The following IGF2BP3 variants were observed in gnomAD, a reference collection of about 807,000 sequenced individuals.
The protein encoded by IGF2BP3 is insulin-like growth factor 2 mRNA-binding protein 3.
In IGF2BP3, 9 loss-of-function variants were observed where a neutral mutation model predicts 73.8. The ratio of observed to expected loss-of-function variants is 0.12; its 90% confidence interval spans 0.07 to 0.21. IGF2BP3 has a LOEUF of 0.21. Among genes scored for constraint, IGF2BP3 ranks in the 10% least tolerant of loss-of-function variants. The pLI is 1.00. For synonymous variants in IGF2BP3, 258 were observed against 256.7 expected (o/e 1.01, Z -0.05); for missense variants, 542 against 714.0 (o/e 0.76, Z 2.75).
chr7:23,396,836 A>G (rs1335857669), intron 3 of IGF2BP3, among the ~76,000 whole-genome samples: 1 of 152,260 alleles, frequency 6.6e-6, no homozygotes, highest in Non-Finnish European at 1.5e-5. Context: ...TTTCAGCCAA[A>G]GGACAAATGC....
intron 3 of IGF2BP3, among the ~76,000 whole-genome samples, chr7:23,380,371 G>A (rs920975527): frequency 6.6e-6 from 1 of 151,878 alleles, no homozygotes; most frequent in African/African-American, 2.4e-5. Context: ...CACTGTGCTA[G>A]CCAGGATGGT....
intron 7 of IGF2BP3, 170 bp from the exon 8 acceptor site, chr7:23,346,232 T>A: frequency 1.7e-6 from 1 of 586,774 alleles, no homozygotes; most frequent in Non-Finnish European, 2.9e-6. Flanking sequence ...AATGCATGAA[T>A]AGAAGGGGAG....
chr7:23,468,332 C>T (rs1584077592), intron 2 of IGF2BP3, 150 bp downstream of exon 2: 2 of 787,076 alleles, frequency 2.5e-6, no homozygotes, highest in East Asian at 4.9e-5. Flanking sequence ...CACACACCCC[C>T]GCCATAAACT....
At chr7:23,396,465 A>C (rs1786468310) in intron 3 of IGF2BP3, 4 of 186,242 alleles carry the variant, frequency 2.1e-5, no homozygotes, top group Admixed American at 1.5e-4. Flanking sequence ...AATCACCCAA[A>C]ATAGCTGGAA....
intron 2 of IGF2BP3, among the ~76,000 whole-genome samples, chr7:23,465,325 C>G (rs992428919): frequency 3.3e-5 from 5 of 152,248 alleles, no homozygotes; most frequent in African/African-American, 1.2e-4. Context: ...AACACTATCA[C>G]AGATATCCAA....
chr7:23,381,754 A>C (rs1308796545), intron 3 of IGF2BP3, among the ~76,000 whole-genome samples: 1 of 151,970 alleles, frequency 6.6e-6, no homozygotes, highest in African/African-American at 2.4e-5. Flanking sequence ...TTTTTAGTAG[A>C]GATGGGGTTT....
At chr7:23,426,249 C>T (rs1292567282) in intron 2 of IGF2BP3, among the ~76,000 whole-genome samples, 1 of 145,322 alleles carries the variant, frequency 6.9e-6, no homozygotes, top group African/African-American at 2.6e-5. Context: ...ATCGCTTGAA[C>T]TCAGAGGCTG....
At chr7:23,313,398 C>A in intron 13 of IGF2BP3, 124 bp downstream of exon 13, 1 of 1,093,668 alleles carries the variant, frequency 9.1e-7, no homozygotes, top group Non-Finnish European at 1.3e-6. Flanking sequence ...CAATCTTCTC[C>A]AAACCTTGGT....
intron 8 of IGF2BP3, 70 bp from the exon 9 acceptor site, chr7:23,343,923 A>T (rs1470924101): frequency 2.0e-6 from 3 of 1,519,844 alleles, no homozygotes; most frequent in Non-Finnish European, 2.7e-6. Flanking sequence ...ATTCAGCCAC[A>T]GACGGCAATT....
chr7:23,364,569 AAAGC>A (rs1785320302), intron 3 of IGF2BP3, among the ~76,000 whole-genome samples: 1 of 148,478 alleles, frequency 6.7e-6, no homozygotes, highest in African/African-American at 2.5e-5. Context: ...AAAAAAAAAA[AAAGC>A]GGGAGGTTGG....
chr7:23,336,444 ATT>A (rs74274531), intron 10 of IGF2BP3, among the ~76,000 whole-genome samples: 52 of 143,296 alleles, frequency 3.6e-4, no homozygotes, highest in African/African-American at 1.2e-3. Context: ...TTTCTAAACC[ATT>A]TTTTTTTTTT....
chr7:23,376,888 A>C (rs1785740225), intron 3 of IGF2BP3, among the ~76,000 whole-genome samples: 1 of 152,216 alleles, frequency 6.6e-6, no homozygotes, highest in Non-Finnish European at 1.5e-5. Context: ...AAAAACCTTG[A>C]AAGATTGCTA....
intron 10 of IGF2BP3, among the ~76,000 whole-genome samples, chr7:23,330,276 A>T (rs1274146968): frequency 1.3e-5 from 2 of 151,172 alleles, no homozygotes; most frequent in Non-Finnish European, 2.9e-5. Flanking sequence ...ACAGTACAAG[A>T]CTCTGTCTCA....
At chr7:23,344,355 C>T (rs1784782189) in intron 8 of IGF2BP3, among the ~76,000 whole-genome samples, 2 of 152,176 alleles carry the variant, frequency 1.3e-5, no homozygotes, top group South Asian at 4.1e-4. Flanking sequence ...TCCAAAAACA[C>T]AAGCCAGAAT....
intron 3 of IGF2BP3, among the ~76,000 whole-genome samples, chr7:23,374,991 G>A (rs1216994334): frequency 6.6e-6 from 1 of 152,112 alleles, no homozygotes; most frequent in Non-Finnish European, 1.5e-5. Flanking sequence ...TTTATATTAT[G>A]TGAATTTCTC....
At chr7:23,407,561 T>C (rs1250630182) in intron 3 of IGF2BP3, among the ~76,000 whole-genome samples, 2 of 150,308 alleles carry the variant, frequency 1.3e-5, no homozygotes, top group African/African-American at 4.9e-5. Context: ...TGAGCCAAGA[T>C]TGGGCCATCG....
chr7:23,429,798 A>G (rs965809238), intron 2 of IGF2BP3, among the ~76,000 whole-genome samples: 1 of 152,200 alleles, frequency 6.6e-6, no homozygotes, highest in African/African-American at 2.4e-5. Flanking sequence ...CACCTCAGGT[A>G]CTTCTGAAGC....
intron 2 of IGF2BP3, among the ~76,000 whole-genome samples, chr7:23,419,737 C>G (rs1787291400): frequency 6.6e-6 from 1 of 152,196 alleles, no homozygotes; most frequent in African/African-American, 2.4e-5. Flanking sequence ...CCTGTAGTCC[C>G]AGCTACTCCA....
chr7:23,467,923 G>T, intron 2 of IGF2BP3: 1 of 155,410 alleles, frequency 6.4e-6, no homozygotes. Flanking sequence ...TAGAACTTCG[G>T]AGTGACTCAA....
Sources: allele counts gnomAD v4.1 joint callset (sites outside exome capture counted in the v4.1 genomes callset), GRCh38; gene constraint gnomAD v4.1.1; transcripts MANE v1.5; gene names NCBI Gene and HGNC (gene_info 2026-07-23, HGNC 2026-07-21).